Variants in ADGRL3 observed in about 807,000 individuals in gnomAD.
The protein encoded by ADGRL3 is adhesion G protein-coupled receptor L3, also known as calcium-independent alpha-latrotoxin receptor 3.
ADGRL3 carries 62 observed loss-of-function variants against 153.5 expected under a neutral mutation model. The ratio of observed to expected loss-of-function variants is 0.40; its 90% confidence interval spans 0.33 to 0.50. ADGRL3 has a LOEUF of 0.50. Ranked by LOEUF, ADGRL3 falls within the 20% of genes least tolerant of loss-of-function variation. The pLI is 0.47. For missense variants in ADGRL3, 1,641 were observed against 1,859.4 expected (o/e 0.88, Z 2.16); for synonymous variants, 710 against 672.5 (o/e 1.06, Z -0.86).
intron 1 of ADGRL3, among the ~76,000 whole-genome samples, chr4:61,253,691 C>CCG (rs1553885091): frequency 4.3e-5 from 6 of 140,396 alleles, no homozygotes; most frequent in Admixed American, 1.4e-4. Context: ...ATGTTCAGTT[C>CCG]CACACACACA....
rs949716216 is a variant in ADGRL3, at chr4:62,078,203, C to T, written c.*7295C>T. The T allele has an allele frequency of 6.6e-6, 1 of 151,938 alleles. No homozygotes were observed. The highest frequency in any genetic ancestry group is 6.6e-5 in the Admixed American group (1 of 15,216). The allele number at this position is 151,938 out of a possible 1,614,324, so 9.4% of individuals were successfully genotyped here. On this transcript the variant is annotated 3_prime_UTR_variant, in exon 27 of 27. Transcript: ENST00000683033. ...CATGGCATTATTCTTTTCATATACA[C>T]CTACCAGATTTCAAGCTATTGGATA...
chr4:61,275,373 G>A (rs889209196), intron 1 of ADGRL3, among the ~76,000 whole-genome samples: 2 of 152,150 alleles, frequency 1.3e-5, no homozygotes, highest in Non-Finnish European at 2.9e-5. Context: ...ACCATTTAAT[G>A]ATAGCTAAAT....
chr4:61,978,386 A>G (rs1049709601), intron 17 of ADGRL3, among the ~76,000 whole-genome samples: 1 of 152,102 alleles, frequency 6.6e-6, no homozygotes, highest in Non-Finnish European at 1.5e-5. Context: ...TTGTGACTTT[A>G]AATATAGTAC....
chr4:61,475,313 T>A (rs2098032628), intron 2 of ADGRL3, among the ~76,000 whole-genome samples: 1 of 152,206 alleles, frequency 6.6e-6, no homozygotes, highest in African/African-American at 2.4e-5. Context: ...TGGGATACAA[T>A]TAACAAAACC....
chr4:61,306,716 C>T (rs557413647), intron 1 of ADGRL3, among the ~76,000 whole-genome samples: 87 of 152,248 alleles, frequency 5.7e-4, no homozygotes, highest in African/African-American at 2.0e-3. Context: ...TAAGTGTTCT[C>T]TTTCATCATT....
chr4:61,638,175 G>A (rs2093509933), intron 5 of ADGRL3, among the ~76,000 whole-genome samples: 1 of 152,114 alleles, frequency 6.6e-6, no homozygotes, highest in South Asian at 2.1e-4. Context: ...AAACAAACTG[G>A]CATATTCCTA....
At chr4:61,875,469 T>C (rs1401415365) in intron 9 of ADGRL3, among the ~76,000 whole-genome samples, 4 of 152,224 alleles carry the variant, frequency 2.6e-5, no homozygotes, top group Non-Finnish European at 5.9e-5. Flanking sequence ...ACTAGATCTT[T>C]GCTGGAGAAC....
chr4:62,067,639 G>C (rs1249253913), intron 25 of ADGRL3, among the ~76,000 whole-genome samples: 1 of 151,942 alleles, frequency 6.6e-6, no homozygotes, highest in African/African-American at 2.4e-5. Flanking sequence ...TGCAGGAAAA[G>C]AGAAGATACA....
intron 15 of ADGRL3, among the ~76,000 whole-genome samples, chr4:61,945,739 A>G (rs1323370081): frequency 6.6e-6 from 1 of 151,356 alleles, no homozygotes; most frequent in East Asian, 2.0e-4. Flanking sequence ...TCTGAAAGGG[A>G]ACTCCCTGAC....
chr4:61,939,321 T>C (rs1026137545), intron 15 of ADGRL3, among the ~76,000 whole-genome samples: 3 of 152,208 alleles, frequency 2.0e-5, no homozygotes, highest in Non-Finnish European at 4.4e-5. Context: ...TTGTACATAA[T>C]TTTATAATAT....
rs138368365 is a variant in ADGRL3 at position 61,919,402 on chromosome 4, A to G, written c.2112+6645A>G. ...AGCTTGATAAATCTGCACTTGATTT[A>G]TGTCAGTAAGAGAGAAAATATAAAT... is the stretch of plus-strand genomic sequence containing the variant. On this transcript the variant is annotated intron_variant, in intron 13 of 26. Transcript: ENST00000683033. 5.2e-3 allele frequency among the ~76,000 whole-genome samples: 792 copies of G among 152,306 alleles called. 2 individuals carry two copies. The highest frequency in any genetic ancestry group is 0.014 in the South Asian group (66 of 4,830).
rs1431203076 is a variant in ADGRL3, at chr4:62,075,415, TAG to T, written c.*4512_*4513del. 1.3e-5 allele frequency: 2 copies of T among 152,128 alleles called. No individual in the cohort carries two copies. Among genetic ancestry groups the T allele is most frequent in the Non-Finnish European group, 2.9e-5 (2 of 68,024 alleles). 9.4% of individuals were successfully genotyped at this position (152,128 alleles called of 1,614,324 possible). On this transcript the variant is annotated 3_prime_UTR_variant, in exon 27 of 27. Coordinates refer to ENST00000683033, the MANE Select transcript of ADGRL3 (RefSeq NM_001387552.1). ...AGTATAATGCATGTCAATTCAGATT[TAG>T]AGAGTGTAAAAAACAAAAACCCAAA...
At chr4:61,235,078 C>T (rs934953350) in intron 1 of ADGRL3, among the ~76,000 whole-genome samples, 3 of 152,102 alleles carry the variant, frequency 2.0e-5, no homozygotes, top group African/African-American at 7.2e-5. Context: ...ATGTAGATAA[C>T]AGTATCTACT....
intron 5 of ADGRL3, among the ~76,000 whole-genome samples, chr4:61,592,208 G>A (rs917306129): frequency 1.3e-5 from 2 of 152,110 alleles, no homozygotes; most frequent in Non-Finnish European, 2.9e-5. Flanking sequence ...GTCATTCGGG[G>A]TGATGCTAAG....
At chr4:62,044,305 G>T in intron 24 of ADGRL3, 148 bp from the exon 25 acceptor site, 1 of 602,368 alleles carries the variant, frequency 1.7e-6, no homozygotes, top group East Asian at 2.8e-5. Flanking sequence ...ATGTTCTCAT[G>T]CTACTGTACT....
chr4:61,610,800 T>TC (rs1006527200), intron 5 of ADGRL3, among the ~76,000 whole-genome samples: 2 of 151,290 alleles, frequency 1.3e-5, no homozygotes, highest in Non-Finnish European at 3.0e-5. Flanking sequence ...AGGAAATCTT[T>TC]TTTTTTCTTT....
At chr4:61,419,129 C>A (rs1408177315) in intron 2 of ADGRL3, among the ~76,000 whole-genome samples, 2 of 150,572 alleles carry the variant, frequency 1.3e-5, no homozygotes, top group Admixed American at 1.3e-4. Context: ...AGTAAATCTT[C>A]AGTTAACATA....
intron 8 of ADGRL3, among the ~76,000 whole-genome samples, chr4:61,798,389 G>A (rs2152469254): frequency 6.6e-6 from 1 of 152,186 alleles, no homozygotes. Flanking sequence ...ATGTGTGTCT[G>A]TGTGTGTGTC....
intron 9 of ADGRL3, among the ~76,000 whole-genome samples, chr4:61,858,690 T>C (rs902532221): frequency 6.6e-6 from 1 of 152,200 alleles, no homozygotes; most frequent in Non-Finnish European, 1.5e-5. Flanking sequence ...TAATGAAGTA[T>C]TTGTCTTCTT....
Sources: gnomAD v4.1 joint callset for allele counts (sites outside exome capture counted in the v4.1 genomes callset) on GRCh38, gnomAD v4.1.1 for gene constraint, MANE v1.5 for transcripts, NCBI Gene and HGNC (gene_info 2026-07-23, HGNC 2026-07-21) for gene names.